CSNK1E: variants seen among roughly 807,000 people sequenced by gnomAD.
CSNK1E encodes the protein casein kinase 1 epsilon, also known as casein kinase I isoform epsilon.
A neutral mutation model predicts 46.1 loss-of-function variants in CSNK1E; 17 were observed. The ratio of observed to expected loss-of-function variants is 0.37; its 90% CI spans 0.25 to 0.55. CSNK1E has a LOEUF of 0.55. Ranked by LOEUF, CSNK1E falls within the 20% of genes least tolerant of loss-of-function variation. The pLI, the probability that CSNK1E is intolerant of heterozygous loss-of-function variation, is 0.82. For synonymous variants in CSNK1E, 241 were observed against 242.6 expected (o/e 0.99, Z 0.06); for missense variants, 386 against 595.4 (o/e 0.65, Z 3.66).
intron 2 of CSNK1E, among the ~76,000 whole-genome samples, chr22:38,313,052 C>A (rs2092727835): frequency 6.6e-6 from 1 of 152,184 alleles, no homozygotes; most frequent in Non-Finnish European, 1.5e-5. Context: ...AGGAAGTGGT[C>A]AGGGAACTCC....
At chr22:38,296,715 G>C in intron 7 of CSNK1E, 1 of 1,607,382 alleles carries the variant, frequency 6.2e-7, no homozygotes, top group South Asian at 1.1e-5. Flanking sequence ...TTGCTGGCTA[G>C]ACAGTCTTGT....
Position 38,314,110 on chromosome 22 carries a change from C to T in CSNK1E, c.48G>A (p.Gly16=), listed in dbSNP as rs1399344899. ...GGTAGATATCTCCGAAGGACCCGCT[C>T]CCGATCTTCCGTCCCAGGCGGTACT... The part of the protein sequence containing the change: ...GNKYRLGRKI[G]SGSFGDIYLG... The change falls in exon 2 of 11, where the codon GGG becomes GGA. Residue 16 remains glycine, a synonymous_variant. Coordinates refer to ENST00000396832, the MANE Select transcript of CSNK1E (RefSeq NM_152221.3). The T allele has an allele frequency of 6.2e-7, 1 of 1,614,108 alleles. No individual in the cohort carries two copies. Among genetic ancestry groups the T allele is most frequent in the Admixed American group, 1.7e-5 (1 of 60,032 alleles).
chr22:38,296,843 C>T (rs1298632622), intron 7 of CSNK1E: 18 of 835,690 alleles, frequency 2.2e-5, no homozygotes. Context: ...GGCATGATCT[C>T]AGCTCACTCC....
rs2092650773 is a variant in CSNK1E, at chr22:38,298,160, G to A, written c.885+626C>T. ...GCGGGGACAGAAAGGTCCCTTCGCT[G>A]TCATGGGGCTGTCACGGGGCTGAGC... On this transcript the variant is annotated intron_variant, in intron 7 of 10. Transcript: ENST00000396832. The surrounding 1 kb of genome is among the most constrained non-coding windows in gnomAD (Gnocchi z 4.2). 1 of 1,302,356 alleles carries A rather than the reference G, an allele frequency of 7.7e-7. No homozygotes were observed. Among genetic ancestry groups the A allele is most frequent in the South Asian group, 1.2e-5 (1 of 80,768 alleles). The allele number at this position is 1,302,356 out of a possible 1,614,324, so 80.7% of individuals were successfully genotyped here.
In CSNK1E at chr22:38,298,944, G is replaced by A. The variant is rs2092656340; in HGVS notation, c.737-10C>T. 6.2e-7 allele frequency: 1 copy of A among 1,614,008 alleles called. No homozygotes were observed. The highest frequency in any genetic ancestry group is 1.3e-5 in the African/African-American group (1 of 74,932). ...TATGTTGAGAATTCGGCTGGAGGGT[G>A]TTGCAGAGGATAGAGAAGGCCACTG... On this transcript the variant is annotated splice_polypyrimidine_tract_variant and intron_variant, in intron 6 of 10. Transcript: ENST00000396832. This position sits in a 1 kb window ranked among gnomAD's most constrained non-coding sequence, Gnocchi z 4.2.
rs1390148785 is a variant in CSNK1E, at chr22:38,293,119, A to C, written c.*32+136T>G. The C allele has an allele frequency of 1.9e-5, 14 of 747,814 alleles. No homozygotes were observed. In the Admixed American group the frequency reaches 2.8e-4, roughly 15 times the overall value. The allele number at this position is 747,814 out of a possible 1,614,324, so 46.3% of individuals were successfully genotyped here. A position where few individuals can be genotyped will look rare whatever the true frequency, so the allele number is the denominator to read the frequency against. On this transcript the variant is annotated intron_variant, in intron 10 of 10. Coordinates refer to ENST00000396832, the MANE Select transcript of CSNK1E (RefSeq NM_152221.3). ...GGTTTTAAACTACTTGAGGCCCCTT[A>C]GAGTTCTGGGGCGCCTGGTACCATC...
chr22:38,296,702 A>C (rs767935359), intron 7 of CSNK1E: 41 of 1,609,992 alleles, frequency 2.5e-5, no homozygotes, highest in Non-Finnish European at 3.1e-5. Flanking sequence ...TGGAAAAGAG[A>C]TCTTGCTGGC....
chr22:38,310,618 G>GA, intron 2 of CSNK1E, among the ~76,000 whole-genome samples: 1 of 152,322 alleles, frequency 6.6e-6, no homozygotes, highest in Middle Eastern at 3.4e-3. Context: ...AAGAGGTCTA[G>GA]AGAGTTCCCC....
intron 10 of CSNK1E, chr22:38,292,507 CCT>C (rs1167076058): frequency 6.6e-6 from 1 of 152,254 alleles, no homozygotes; most frequent in African/African-American, 2.4e-5. Flanking sequence ...GAAGGCCAGC[CCT>C]GTTCATGCCT....
At chr22:38,293,345 GGGGA>G in intron 9 of CSNK1E, 26 bp from the exon 10 acceptor site, 3 of 1,483,284 alleles carry the variant, frequency 2.0e-6, no homozygotes, top group Non-Finnish European at 2.8e-6. Context: ...AGGGAGAGAG[GGGGA>G]GGGAGAGAGA....
intron 7 of CSNK1E, chr22:38,296,397 C>G (rs905951371): frequency 7.1e-7 from 1 of 1,413,118 alleles, no homozygotes; most frequent in Non-Finnish European, 9.2e-7. Flanking sequence ...CCACAGATCC[C>G]AGCACCCCGG....
intron 10 of CSNK1E, chr22:38,292,255 G>C (rs958370365): frequency 6.6e-6 from 1 of 152,196 alleles, no homozygotes; most frequent in African/African-American, 2.4e-5. Context: ...CCGAAGTGCT[G>C]GGATTACAGG....
intron 2 of CSNK1E, among the ~76,000 whole-genome samples, chr22:38,308,834 C>T (rs1230590150): frequency 1.3e-5 from 2 of 151,998 alleles, no homozygotes; most frequent in Admixed American, 1.3e-4. Context: ...AGCAGAGGCC[C>T]AACAGCAGCA....
At chr22:38,295,472 G>A (rs2092635549) in intron 7 of CSNK1E, 1 of 832,794 alleles carries the variant, frequency 1.2e-6, no homozygotes, top group Non-Finnish European at 1.4e-6. Flanking sequence ...GCTCTGGGCT[G>A]AGTTGGGGGC....
At position 38,300,072 on chromosome 22, in the gene CSNK1E, A is replaced by G; in HGVS notation, c.566-7T>C. ...TCATCTCGACGGCTTTGCTCTGCAC[A>G]GAGAGTCAAAGACTAGGTGAGGGAC... On this transcript the variant is annotated splice_polypyrimidine_tract_variant and splice_region_variant and intron_variant, in intron 5 of 10. Transcript: ENST00000396832. This position sits in a 1 kb window ranked among gnomAD's most constrained non-coding sequence, Gnocchi z 4.4. 2 of 1,612,610 alleles carry G rather than the reference A, an allele frequency of 1.2e-6. No homozygotes were observed. The highest frequency in any genetic ancestry group is 1.7e-6 in the Non-Finnish European group (2 of 1,179,188).
chr22:38,306,172 T>G (rs963869569), intron 2 of CSNK1E, among the ~76,000 whole-genome samples: 1 of 152,224 alleles, frequency 6.6e-6, no homozygotes, highest in African/African-American at 2.4e-5. Flanking sequence ...CATTTCAGTT[T>G]TCTTTAAAAA....
At chr22:38,316,185 C>A (rs1017199081) in intron 1 of CSNK1E, among the ~76,000 whole-genome samples, 7 of 152,164 alleles carry the variant, frequency 4.6e-5, no homozygotes, top group Non-Finnish European at 1.0e-4. Context: ...ATTAGACAAA[C>A]TACCAACCAG....
rs2092753596 is a variant in CSNK1E, at chr22:38,317,394, TG to T, written c.-248del. The T allele has an allele frequency of 1.0e-5, 1 of 97,898 alleles. No homozygotes were observed. Among genetic ancestry groups the T allele is most frequent in the South Asian group, 2.7e-4 (1 of 3,666 alleles). The allele number at this position is 97,898 out of a possible 1,614,324, so 6.1% of individuals were successfully genotyped here. Reference sequence around the variant, plus strand: ...CGCCGCCTCCCTCCTCCCGGCCTCCTGCCCGCCCGCCCGCCCCCGCCGCCGG... The same window carrying T: ...CGCCGCCTCCCTCCTCCCGGCCTCCTCCCGCCCGCCCGCCCCCGCCGCCGG... On this transcript the variant is annotated 5_prime_UTR_variant, in exon 1 of 11. Transcript: ENST00000396832.
Position 38,303,835 on chromosome 22 carries a change from A to G in CSNK1E, c.77-587T>C, listed in dbSNP as rs2092686348. On this transcript the variant is annotated intron_variant, in intron 2 of 10. Coordinates refer to ENST00000396832, the MANE Select transcript of CSNK1E (RefSeq NM_152221.3). The surrounding 1 kb of genome is among the most constrained non-coding windows in gnomAD (Gnocchi z 4.7). ...AAAACAGAGACCCAGCTAGAGACCC[A>G]GCTCAAGGTCACCTGACCTGTAAAT... is the stretch of plus-strand genomic sequence containing the variant. Among the ~76,000 whole-genome samples the G allele has an allele frequency of 6.6e-6, 1 of 152,194 alleles. No homozygotes were observed. The highest frequency in any genetic ancestry group is 1.5e-5 in the Non-Finnish European group (1 of 68,030).
Sources: gnomAD v4.1 joint callset for allele counts (sites outside exome capture counted in the v4.1 genomes callset) on GRCh38, gnomAD v4.1.1 for gene constraint, Gnocchi (gnomAD v3.1) non-coding constraint, MANE v1.5 for transcripts, NCBI Gene and HGNC (gene_info 2026-07-23, HGNC 2026-07-21) for gene names.